Variants in GREB1L observed in about 807,000 individuals in gnomAD.
GREB1L encodes the protein GREB1 like retinoic acid receptor coactivator, also known as GREB1-like protein.
Under a neutral mutation model 200.8 loss-of-function variants are expected in GREB1L, and 17 were observed. That is an observed-to-expected ratio of 0.08 (90% CI 0.06 to 0.13). The LOEUF (loss-of-function observed/expected upper bound fraction) is 0.13. Among genes scored for constraint, GREB1L ranks in the 10% least tolerant of loss-of-function variants. GREB1L has a pLI of 1.00. For synonymous variants in GREB1L, 789 were observed against 893.0 expected, an observed-to-expected ratio of 0.88 and a Z score of 2.08; for missense variants, 1,657 against 2,367.7, an observed-to-expected ratio of 0.70 and a Z score of 6.23.
chr18:21,481,020 GAAAGAA>G (rs908112534), intron 17 of GREB1L, among the ~76,000 whole-genome samples: 156 of 151,826 alleles, frequency 1.0e-3, no homozygotes, highest in African/African-American at 3.7e-3. Context: ...AAAAAAGAAA[GAAAGAA>G]AAAGAAAACT....
At chr18:21,458,328 C>T (rs904604312) in intron 15 of GREB1L, among the ~76,000 whole-genome samples, 2 of 152,048 alleles carry the variant, frequency 1.3e-5, no homozygotes, top group Non-Finnish European at 2.9e-5. Flanking sequence ...CTCTCTTGGG[C>T]CTGGCACCAG....
intron 18 of GREB1L, among the ~76,000 whole-genome samples, chr18:21,486,093 G>A (rs536340641): frequency 3.3e-5 from 5 of 152,308 alleles, no homozygotes; most frequent in African/African-American, 9.6e-5. Context: ...GGTGGCCCAC[G>A]CCTGTAATCC....
intron 1 of GREB1L, among the ~76,000 whole-genome samples, chr18:21,329,980 G>T (rs2039084439): frequency 1.4e-5 from 2 of 146,826 alleles, no homozygotes; most frequent in African/African-American, 5.0e-5. Flanking sequence ...GGGGGGGGGG[G>T]GTCTTTATCT....
intron 1 of GREB1L, among the ~76,000 whole-genome samples, chr18:21,290,900 A>T (rs2038439319): frequency 6.6e-6 from 1 of 151,888 alleles, no homozygotes; most frequent in Non-Finnish European, 1.5e-5. Context: ...GTCATGTAAC[A>T]CTTAGCAGAC....
At chr18:21,328,713 T>C (rs2039062371) in intron 1 of GREB1L, among the ~76,000 whole-genome samples, 1 of 152,030 alleles carries the variant, frequency 6.6e-6, no homozygotes, top group Non-Finnish European at 1.5e-5. Context: ...TGTGTATGTG[T>C]CTCAAGATGA....
intron 17 of GREB1L, chr18:21,485,239 T>C (rs943149949): frequency 6.3e-6 from 1 of 158,284 alleles, no homozygotes; most frequent in Non-Finnish European, 1.4e-5. Flanking sequence ...CAGAGGAGTT[T>C]GTCAATCTCT....
At chr18:21,319,245 C>G (rs2038916338) in intron 1 of GREB1L, among the ~76,000 whole-genome samples, 1 of 152,206 alleles carries the variant, frequency 6.6e-6, no homozygotes, top group African/African-American at 2.4e-5. Flanking sequence ...AATTCAAAAT[C>G]ATACAGAGAA....
intron 6 of GREB1L, among the ~76,000 whole-genome samples, chr18:21,403,241 A>G (rs1420793545): frequency 6.6e-6 from 1 of 152,232 alleles, no homozygotes; most frequent in East Asian, 1.9e-4. Flanking sequence ...ACAAAGCACT[A>G]TTAAAATATA....
chr18:21,514,770 G>GT (rs568646005), intron 28 of GREB1L, among the ~76,000 whole-genome samples: 296 of 152,248 alleles, frequency 1.9e-3, no homozygotes, highest in Middle Eastern at 6.8e-3. Context: ...AAAAAGGAAA[G>GT]TCATCTCACC....
intron 23 of GREB1L, among the ~76,000 whole-genome samples, chr18:21,502,467 A>G (rs1438859474): frequency 6.6e-6 from 1 of 152,112 alleles, no homozygotes; most frequent in Non-Finnish European, 1.5e-5. Context: ...CACTTGTTTT[A>G]CCTAAATAGC....
At chr18:21,386,422 C>G (rs1182397107) in intron 4 of GREB1L, among the ~76,000 whole-genome samples, 1 of 152,094 alleles carries the variant, frequency 6.6e-6, no homozygotes, top group Non-Finnish European at 1.5e-5. Context: ...TCACAAGTAG[C>G]TGGGATAACA....
chr18:21,341,335 G>A (rs1400432014), intron 1 of GREB1L, among the ~76,000 whole-genome samples: 1 of 152,192 alleles, frequency 6.6e-6, no homozygotes, highest in African/African-American at 2.4e-5. Flanking sequence ...CCAGTTGAAA[G>A]TTTGTGGTGG....
chr18:21,381,415 GAA>G (rs923221809), intron 2 of GREB1L, among the ~76,000 whole-genome samples: 1 of 95,290 alleles, frequency 1.0e-5, no homozygotes, highest in East Asian at 3.2e-4. Context: ...CTCAAAAAAA[GAA>G]AAAAAAAAAA....
At chr18:21,457,947 C>T (rs2034845510) in intron 15 of GREB1L, among the ~76,000 whole-genome samples, 1 of 150,574 alleles carries the variant, frequency 6.6e-6, no homozygotes, top group South Asian at 2.1e-4. Flanking sequence ...GAGGGTAGTA[C>T]CTTGAGAGCA....
chr18:21,414,892 A>G (rs1204573444), intron 7 of GREB1L, among the ~76,000 whole-genome samples: 1 of 150,964 alleles, frequency 6.6e-6, no homozygotes, highest in Middle Eastern at 3.2e-3. Flanking sequence ...AATTTTAAAT[A>G]CACTATTCAT....
At chr18:21,330,373 C>T (rs1303044243) in intron 1 of GREB1L, among the ~76,000 whole-genome samples, 1 of 152,190 alleles carries the variant, frequency 6.6e-6, no homozygotes, top group African/African-American at 2.4e-5. Context: ...AGTGTCTGGC[C>T]TTAAGTGGCC....
chr18:21,347,181 G>A (rs796176243), intron 1 of GREB1L, among the ~76,000 whole-genome samples: 66 of 151,786 alleles, frequency 4.3e-4, no homozygotes, highest in African/African-American at 1.6e-3. Flanking sequence ...GGGAGGCTGA[G>A]ACAGGAGAAT....
At chr18:21,454,275 C>A (rs767263823) in intron 14 of GREB1L, 91 bp from the exon 15 acceptor site, 1 of 779,960 alleles carries the variant, frequency 1.3e-6, no homozygotes, top group Non-Finnish European at 2.1e-6. Flanking sequence ...ATTACATTAC[C>A]GTCTGTGTGG....
chr18:21,392,654 G>A (rs555456773), intron 4 of GREB1L, among the ~76,000 whole-genome samples: 1 of 152,038 alleles, frequency 6.6e-6, no homozygotes, highest in South Asian at 2.1e-4. Flanking sequence ...TCTTTCTTCT[G>A]TTGACTTTTC....
Sources: allele counts gnomAD v4.1 joint callset (sites outside exome capture counted in the v4.1 genomes callset), GRCh38; gene constraint gnomAD v4.1.1; transcripts MANE v1.5; gene names NCBI Gene and HGNC (gene_info 2026-07-23, HGNC 2026-07-21).